EPHB1: variants seen among roughly 807,000 people sequenced by gnomAD.
EPHB1 encodes ephrin type-B receptor 1.
In EPHB1, 30 loss-of-function variants were observed where a neutral mutation model predicts 94.4. The observed-to-expected ratio is 0.32, with a 90% CI of 0.24 to 0.43. The LOEUF (loss-of-function observed/expected upper bound fraction) is 0.43. Among genes scored for constraint, EPHB1 ranks in the 20% least tolerant of loss-of-function variants. The pLI, the probability that EPHB1 is intolerant of heterozygous loss-of-function variation, is 1.00. For missense variants in EPHB1, 1,055 were observed against 1,308.3 expected, an observed-to-expected ratio of 0.81 and a Z score of 2.99; for synonymous variants, 522 against 489.1, an observed-to-expected ratio of 1.07 and a Z score of -0.89.
At chr3:134,901,351 C>T (rs554845184) in intron 1 of EPHB1, among the ~76,000 whole-genome samples, 1 of 152,292 alleles carries the variant, frequency 6.6e-6, no homozygotes, top group East Asian at 1.9e-4. Flanking sequence ...CTTCGCCCTT[C>T]TTATTTTTTC....
chr3:135,074,141 A>T lies in EPHB1; in HGVS notation c.806-32307A>T, dbSNP rs575275689. Among the ~76,000 whole-genome samples, 12 of 152,330 alleles carry T rather than the reference A, an allele frequency of 7.9e-5. No homozygotes were observed. The East Asian group carries it at 2.3e-3, about 29-fold the overall frequency. On this transcript the variant is annotated intron_variant, in intron 3 of 15. Transcript: ENST00000398015. ...TAACTGAAATATTTTATAAGAAGAAAATTGCCCTTATTTAGTTATGGTTTG... is the reference window on the plus strand; with the variant it reads ...TAACTGAAATATTTTATAAGAAGAATATTGCCCTTATTTAGTTATGGTTTG...
Position 134,951,911 on chromosome 3 carries a change from C to T in EPHB1, c.664C>T (p.Arg222Trp), listed in dbSNP as rs780843040. The change falls in exon 3 of 16, where the codon CGG becomes TGG. Residue 222 changes from arginine to tryptophan, a missense_variant. By Grantham distance (101) the Arg-to-Trp change is moderately radical (BLOSUM62 -3). Transcript: ENST00000398015. The surrounding 1 kb of genome is among the most constrained non-coding windows in gnomAD (Gnocchi z 4.5). ...GAESTSLVIA[R>W]GTCIPNAEEV... The stretch of plus-strand genomic sequence containing the variant: ...AGAGAGCACATCTCTGGTGATTGCT[C>T]GGGGCACATGCATCCCCAACGCAGA... 30 of 1,613,882 alleles carry T rather than the reference C, an allele frequency of 1.9e-5. No homozygotes were observed. Among genetic ancestry groups the T allele is most frequent in the East Asian group, 4.5e-5 (2 of 44,896 alleles).
At chr3:135,182,996 T>C (rs1454235560) in intron 10 of EPHB1, among the ~76,000 whole-genome samples, 1 of 71,956 alleles carries the variant, frequency 1.4e-5, no homozygotes, top group African/African-American at 3.9e-5. Context: ...CTTTCTTTTC[T>C]TTTCTTTTCT....
At chr3:135,178,871 T>A (rs1364537717) in intron 9 of EPHB1, among the ~76,000 whole-genome samples, 6 of 152,332 alleles carry the variant, frequency 3.9e-5, no homozygotes, top group South Asian at 2.1e-4. Context: ...GGCTGTGATA[T>A]CAGACCTTGT....
chr3:135,104,954 T>C (rs1481071136), intron 3 of EPHB1, among the ~76,000 whole-genome samples: 2 of 152,248 alleles, frequency 1.3e-5, no homozygotes, highest in African/African-American at 4.8e-5. Flanking sequence ...AAATAGTTTA[T>C]GCGTACATCA....
intron 12 of EPHB1, among the ~76,000 whole-genome samples, chr3:135,216,827 T>C (rs1292765447): frequency 1.3e-5 from 2 of 151,940 alleles, no homozygotes; most frequent in South Asian, 2.1e-4. Context: ...TCCATTGTTA[T>C]GCATCTATCA....
chr3:135,022,230 A>G (rs1326661217), intron 3 of EPHB1, among the ~76,000 whole-genome samples: 1 of 152,118 alleles, frequency 6.6e-6, no homozygotes, highest in African/African-American at 2.4e-5. Context: ...TCGGCCTCCC[A>G]AAGTGCTGGG....
At chr3:135,117,575 C>A (rs1375629257) in intron 4 of EPHB1, among the ~76,000 whole-genome samples, 2 of 152,210 alleles carry the variant, frequency 1.3e-5, no homozygotes, top group Non-Finnish European at 2.9e-5. Context: ...GGCTCTGAAG[C>A]CACATCAAGA....
rs996113971 is a variant in EPHB1 at position 135,089,357 on chromosome 3, G to T, written c.806-17091G>T. Among the ~76,000 whole-genome samples the T allele has an allele frequency of 2.0e-5, 3 of 152,234 alleles. No homozygotes were observed. In the East Asian group the frequency reaches 5.8e-4, roughly 29 times the overall value. The stretch of plus-strand genomic sequence containing the variant: ...GTAGCACTTGTTTCTTGGGGCTGTT[G>T]TGAGAATAAAATGGGATTATTCTGA... On this transcript the variant is annotated intron_variant, in intron 3 of 15. Transcript: ENST00000398015.
chr3:135,217,314 A>T (rs1044660030), intron 12 of EPHB1, among the ~76,000 whole-genome samples: 1 of 152,082 alleles, frequency 6.6e-6, no homozygotes, highest in Non-Finnish European at 1.5e-5. Context: ...CAGCAGTGCT[A>T]TGCAGAGTCC....
chr3:135,035,556 G>A (rs1013865688), intron 3 of EPHB1, among the ~76,000 whole-genome samples: 1 of 152,122 alleles, frequency 6.6e-6, no homozygotes, highest in African/African-American at 2.4e-5. Context: ...GTAATTAGAG[G>A]AGGAGGCTGA....
intron 12 of EPHB1, among the ~76,000 whole-genome samples, chr3:135,236,029 A>C (rs1943643842): frequency 6.6e-6 from 1 of 152,202 alleles, no homozygotes; most frequent in Non-Finnish European, 1.5e-5. Flanking sequence ...TATCTGATAA[A>C]ATTGTATATA....
At chr3:134,917,769 G>A (rs2038603843) in intron 1 of EPHB1, among the ~76,000 whole-genome samples, 2 of 152,180 alleles carry the variant, frequency 1.3e-5, no homozygotes, top group Admixed American at 6.5e-5. Flanking sequence ...TTCCTCACTG[G>A]CCATGACCAC....
At chr3:134,901,206 C>T (rs1336508265) in intron 1 of EPHB1, among the ~76,000 whole-genome samples, 1 of 152,054 alleles carries the variant, frequency 6.6e-6, no homozygotes, top group Non-Finnish European at 1.5e-5. Context: ...TTAGTGTTAT[C>T]AAATACCCAG....
At chr3:135,109,588 T>A (rs559359977) in intron 4 of EPHB1, among the ~76,000 whole-genome samples, 2 of 152,242 alleles carry the variant, frequency 1.3e-5, no homozygotes, top group Non-Finnish European at 1.5e-5. Flanking sequence ...AGTGATGTTG[T>A]TGGGGGAGCC....
intron 3 of EPHB1, among the ~76,000 whole-genome samples, chr3:135,086,599 G>A (rs1429937420): frequency 6.6e-6 from 1 of 151,566 alleles, no homozygotes; most frequent in Non-Finnish European, 1.5e-5. Flanking sequence ...CCTTCATTTT[G>A]CCTACCTAGT....
chr3:135,220,700 G>A (rs1349091770), intron 12 of EPHB1, among the ~76,000 whole-genome samples: 1 of 151,490 alleles, frequency 6.6e-6, no homozygotes, highest in Admixed American at 6.6e-5. Flanking sequence ...TGGGCAAAGA[G>A]GAGAGAAGAG....
intron 1 of EPHB1, among the ~76,000 whole-genome samples, chr3:134,921,922 G>A (rs1294839821): frequency 1.3e-5 from 2 of 152,258 alleles, no homozygotes; most frequent in African/African-American, 2.4e-5. Context: ...TGTATGACAC[G>A]AGCAAGGTCA....
intron 1 of EPHB1, among the ~76,000 whole-genome samples, chr3:134,914,634 A>G (rs1461583760): frequency 6.6e-6 from 1 of 152,182 alleles, no homozygotes; most frequent in Admixed American, 6.5e-5. Context: ...AGCCCTGAGC[A>G]TCATCAGGGG....
Sources: allele counts gnomAD v4.1 joint callset (sites outside exome capture counted in the v4.1 genomes callset), GRCh38; gene constraint gnomAD v4.1.1; non-coding constraint Gnocchi (gnomAD v3.1); transcripts MANE v1.5; gene names NCBI Gene and HGNC (gene_info 2026-07-23, HGNC 2026-07-21).